ATR: variants seen among roughly 807,000 people sequenced by gnomAD.
ATR encodes ATR checkpoint kinase, also known as serine/threonine-protein kinase ATR.
In ATR, 142 loss-of-function variants were observed where a neutral mutation model predicts 305.3. The observed-to-expected ratio is 0.47, with a 90% confidence interval of 0.41 to 0.53. The LOEUF (loss-of-function observed/expected upper bound fraction) is 0.53. Ranked by LOEUF, ATR falls within the 20% of genes least tolerant of loss-of-function variation. The pLI, the probability that ATR is intolerant of heterozygous loss-of-function variation, is 0.00. For synonymous variants in ATR, 1,050 were observed against 1,068.1 expected (o/e 0.98, Z 0.33); for missense variants, 2,135 against 3,133.1 (o/e 0.68, Z 7.60).
chr3:142,457,590 G>A lies in ATR; in HGVS notation c.7655+14C>T. On this transcript the variant is annotated intron_variant, in intron 45 of 46. Coordinates refer to ENST00000350721, the MANE Select transcript of ATR (RefSeq NM_001184.4). Reference sequence around the variant, plus strand: ...AGGTTACTGTTAAATTATTTACAAAGTATAGGTGATTACCTCATTAAAGGC... The same window carrying A: ...AGGTTACTGTTAAATTATTTACAAAATATAGGTGATTACCTCATTAAAGGC... The A allele has an allele frequency of 6.2e-7, 1 of 1,613,664 alleles. No homozygotes were observed. The highest frequency in any genetic ancestry group is 1.3e-5 in the African/African-American group (1 of 75,036).
chr3:142,559,063 A>C, intron 7 of ATR, 188 bp downstream of exon 7: 1 of 674,118 alleles, frequency 1.5e-6, no homozygotes, highest in Non-Finnish European at 2.4e-6. Context: ...TGACTAAAGA[A>C]TCAAAATATT....
intron 42 of ATR, among the ~76,000 whole-genome samples, chr3:142,460,311 C>G (rs968031713): frequency 2.0e-5 from 3 of 152,100 alleles, no homozygotes; most frequent in Non-Finnish European, 4.4e-5. Flanking sequence ...AAAAAATATG[C>G]TGAAATCCTA....
intron 15 of ATR, among the ~76,000 whole-genome samples, chr3:142,548,882 G>A (rs2034370677): frequency 6.6e-6 from 1 of 152,068 alleles, no homozygotes; most frequent in South Asian, 2.1e-4. Flanking sequence ...AACTCTCGTG[G>A]AAAGAGATGT....
Position 142,561,278 on chromosome 3 carries a change from T to C in ATR, c.1314A>G (p.Leu438=). 6.2e-7 allele frequency: 1 copy of C among 1,614,132 alleles called. No homozygotes were observed. Among genetic ancestry groups the C allele is most frequent in the South Asian group, 1.1e-5 (1 of 91,084 alleles). The part of the protein sequence containing the change: ...SPKRRRLSSS[L]NPSKRAPKQT... Reference sequence around the variant, plus strand: ...GTTTTGGTGCTCTTTTAGAAGGGTTTAGAGACGAGCTGAGACGACGCCTTT... The same window carrying C: ...GTTTTGGTGCTCTTTTAGAAGGGTTCAGAGACGAGCTGAGACGACGCCTTT... Residue 438 remains leucine, a synonymous_variant, in exon 5 of 47, where the codon CTA becomes CTG. Coordinates refer to ENST00000350721, the MANE Select transcript of ATR (RefSeq NM_001184.4).
intron 33 of ATR, 113 bp from the exon 34 acceptor site, chr3:142,496,633 T>C (rs1036081711): frequency 2.7e-6 from 3 of 1,130,238 alleles, no homozygotes; most frequent in African/African-American, 1.5e-5. Flanking sequence ...TTCCAATGTT[T>C]TGAAAGCCTC....
At position 142,496,278 on chromosome 3, in the gene ATR, CTATATATATATATATATATATATATATA is replaced by C. The variant is rs6148111; in HGVS notation, c.5898+55_5898+82del. 62 of 115,174 alleles carry C rather than the reference CTATATATATATATATATATATATATATA, an allele frequency of 5.4e-4. 1 individual carries two copies. The highest frequency in any genetic ancestry group is 8.1e-3 in the Middle Eastern group (2 of 246). 7.1% of individuals were successfully genotyped at this position (115,174 alleles called of 1,614,324 possible). On this transcript the variant is annotated intron_variant, in intron 34 of 46. Transcript: ENST00000350721. The stretch of plus-strand genomic sequence containing the variant: ...TTTTAAGGAAGTACATAATTCCCGA[CTATATATATATATATATATATATATATA>C]TATATATATATATATATATATATAT...
chr3:142,556,795 A>T (rs1281466511), intron 8 of ATR, among the ~76,000 whole-genome samples: 1 of 152,204 alleles, frequency 6.6e-6, no homozygotes, highest in African/African-American at 2.4e-5. Flanking sequence ...TTACTAAATA[A>T]TCAAGGAAAT....
chr3:142,543,723 G>GT (rs1184228213), intron 16 of ATR, among the ~76,000 whole-genome samples: 1 of 151,582 alleles, frequency 6.6e-6, no homozygotes, highest in Non-Finnish European at 1.5e-5. Flanking sequence ...AGGCTGAAGT[G>GT]TAGTGGCACA....
At chr3:142,451,737 G>A in intron 46 of ATR, 8 of 1,157,478 alleles carry the variant, frequency 6.9e-6, no homozygotes, top group Non-Finnish European at 7.6e-6. Flanking sequence ...GTGCCACTGA[G>A]CCCAGCTAAT....
At chr3:142,502,718 C>A (rs761533420) in intron 30 of ATR, among the ~76,000 whole-genome samples, 24 of 152,204 alleles carry the variant, frequency 1.6e-4, no homozygotes, top group Non-Finnish European at 2.6e-4. Flanking sequence ...TCCCTTTTGA[C>A]CAGATTTTAC....
chr3:142,533,306 A>G (rs1347971088), intron 21 of ATR, among the ~76,000 whole-genome samples: 1 of 152,174 alleles, frequency 6.6e-6, no homozygotes, highest in East Asian at 1.9e-4. Flanking sequence ...ATAAATTTAA[A>G]TTAGCAAAAT....
At chr3:142,468,192 T>C (rs2071175632) in intron 38 of ATR, 124 bp from the exon 39 acceptor site, 2 of 1,204,028 alleles carry the variant, frequency 1.7e-6, no homozygotes, top group Non-Finnish European at 2.3e-6. Flanking sequence ...ATACAAATTT[T>C]CTGAAAATTT....
chr3:142,457,877 G>T, intron 44 of ATR, 122 bp from the exon 45 acceptor site: 1 of 1,130,024 alleles, frequency 8.8e-7, no homozygotes. Context: ...TATTTATGTT[G>T]TAATTACTTT....
intron 41 of ATR, among the ~76,000 whole-genome samples, chr3:142,463,714 C>T (rs79277605): frequency 0.049 from 7,463 of 152,194 alleles, 597 homozygotes; most frequent in African/African-American, 0.17. Context: ...AAAAATAATC[C>T]TCCTTTTCAT....
intron 45 of ATR, 129 bp from the exon 46 acceptor site, chr3:142,453,362 T>C: frequency 8.3e-7 from 1 of 1,209,350 alleles, no homozygotes; most frequent in East Asian, 2.6e-5. Flanking sequence ...TACGTCTTCA[T>C]TAAGTTATGT....
chr3:142,503,483 A>G (rs754154525), intron 29 of ATR, 30 bp from the exon 30 acceptor site: 1 of 1,423,874 alleles, frequency 7.0e-7, no homozygotes, highest in Non-Finnish European at 9.8e-7. Context: ...TAAAATAGCA[A>G]TTATCACTTC....
intron 1 of ATR, among the ~76,000 whole-genome samples, chr3:142,574,470 A>G (rs896490919): frequency 1.3e-5 from 2 of 151,798 alleles, no homozygotes; most frequent in Non-Finnish European, 1.5e-5. Context: ...AAAAAAAAAA[A>G]AAAAAAAGAA....
chr3:142,484,598 G>A (rs1206828488), intron 36 of ATR, among the ~76,000 whole-genome samples: 1 of 152,080 alleles, frequency 6.6e-6, no homozygotes, highest in Non-Finnish European at 1.5e-5. Flanking sequence ...TGAGTTCTGT[G>A]AGCCACTCTA....
chr3:142,537,394 T>C (rs1023511490), intron 19 of ATR, among the ~76,000 whole-genome samples: 1 of 152,064 alleles, frequency 6.6e-6, no homozygotes, highest in Non-Finnish European at 1.5e-5. Context: ...GGATTTTTCT[T>C]ATGATTATGA....
Sources: allele counts gnomAD v4.1 joint callset (sites outside exome capture counted in the v4.1 genomes callset), GRCh38; gene constraint gnomAD v4.1.1; transcripts MANE v1.5; gene names NCBI Gene and HGNC (gene_info 2026-07-23, HGNC 2026-07-21).